Variants in LRP1B observed in about 807,000 individuals in gnomAD.
LRP1B encodes low-density lipoprotein receptor-related protein 1B.
LRP1B carries 217 observed loss-of-function variants against 556.6 expected under a neutral mutation model. The ratio of observed to expected loss-of-function variants is 0.39; its 90% confidence interval spans 0.35 to 0.44. LRP1B has a LOEUF of 0.44. LRP1B is among the 20% of genes least tolerant of loss of function. The pLI, the probability that LRP1B is intolerant of heterozygous loss-of-function variation, is 1.00. For missense variants in LRP1B, 5,053 were observed against 5,620.8 expected (o/e 0.90, Z 3.23); for synonymous variants, 2,047 against 1,865.8 (o/e 1.10, Z -2.50).
At chr2:140,830,741 G>A (rs535662412) in intron 31 of LRP1B, among the ~76,000 whole-genome samples, 3 of 152,122 alleles carry the variant, frequency 2.0e-5, no homozygotes, top group African/African-American at 4.8e-5. Context: ...AGTACTGGAC[G>A]TCCTAGCAAA....
chr2:141,619,044 A>C (rs186686214), intron 2 of LRP1B, among the ~76,000 whole-genome samples: 228 of 152,338 alleles, frequency 1.5e-3, no homozygotes, highest in African/African-American at 5.3e-3. Flanking sequence ...TGTCTTGAAC[A>C]GAGTAACTCA....
chr2:140,906,252 AG>A, intron 22 of LRP1B, among the ~76,000 whole-genome samples: 1 of 152,138 alleles, frequency 6.6e-6, no homozygotes, highest in Non-Finnish European at 1.5e-5. Flanking sequence ...GTTTGGGCAA[AG>A]CTCTTTAAGT....
At chr2:142,036,201 T>C (rs1015104507) in intron 1 of LRP1B, among the ~76,000 whole-genome samples, 2 of 151,674 alleles carry the variant, frequency 1.3e-5, no homozygotes, top group African/African-American at 4.8e-5. Flanking sequence ...GACTTCATCA[T>C]TTGTTATTTT....
intron 37 of LRP1B, among the ~76,000 whole-genome samples, chr2:140,711,007 G>C (rs922807565): frequency 6.6e-6 from 1 of 151,978 alleles, no homozygotes; most frequent in Non-Finnish European, 1.5e-5. Context: ...TCATTGAAAG[G>C]AACAAATTAA....
chr2:141,605,395 A>G (rs879934664), intron 2 of LRP1B, among the ~76,000 whole-genome samples: 2 of 151,974 alleles, frequency 1.3e-5, no homozygotes, highest in Non-Finnish European at 2.9e-5. Context: ...TTTTTTGAAA[A>G]AGGTCCTATT....
At chr2:141,109,254 T>G (rs1202644076) in intron 7 of LRP1B, among the ~76,000 whole-genome samples, 2 of 152,098 alleles carry the variant, frequency 1.3e-5, no homozygotes, top group Non-Finnish European at 2.9e-5. Flanking sequence ...AGCCTCCAAA[T>G]TTTGGGGGAG....
At chr2:140,465,414 C>T (rs1164700902) in intron 60 of LRP1B, among the ~76,000 whole-genome samples, 1 of 152,124 alleles carries the variant, frequency 6.6e-6, no homozygotes, top group African/African-American at 2.4e-5. Flanking sequence ...TAGAACAGTC[C>T]TCCTCTGTCC....
At chr2:142,119,628 C>CA (rs1338892118) in intron 1 of LRP1B, among the ~76,000 whole-genome samples, 1 of 152,140 alleles carries the variant, frequency 6.6e-6, no homozygotes, top group Non-Finnish European at 1.5e-5. Flanking sequence ...ATTCAATCAG[C>CA]TTAACAGTAA....
At chr2:140,751,303 C>T (rs1316975750) in intron 35 of LRP1B, among the ~76,000 whole-genome samples, 1 of 151,192 alleles carries the variant, frequency 6.6e-6, no homozygotes, top group African/African-American at 2.4e-5. Context: ...TCAGTTATAA[C>T]TTTTTAGGCA....
intron 35 of LRP1B, among the ~76,000 whole-genome samples, chr2:140,758,499 C>T (rs1159357521): frequency 2.6e-5 from 4 of 151,636 alleles, no homozygotes; most frequent in East Asian, 1.9e-4. Context: ...AGTATTTAAC[C>T]ATGGATTGAG....
intron 1 of LRP1B, among the ~76,000 whole-genome samples, chr2:142,037,698 G>A (rs1703932141): frequency 6.6e-6 from 1 of 151,568 alleles, no homozygotes; most frequent in Admixed American, 6.6e-5. Context: ...TAAGAAAGTT[G>A]CTTATTCTCT....
intron 2 of LRP1B, among the ~76,000 whole-genome samples, chr2:141,526,766 G>A (rs1362584419): frequency 6.6e-6 from 1 of 151,956 alleles, no homozygotes; most frequent in African/African-American, 2.4e-5. Context: ...TACACTTAAT[G>A]CTTTGCCCAA....
At chr2:141,703,033 G>A (rs1012227871) in intron 2 of LRP1B, among the ~76,000 whole-genome samples, 2 of 151,882 alleles carry the variant, frequency 1.3e-5, no homozygotes, top group African/African-American at 4.8e-5. Flanking sequence ...AGGTTAATCT[G>A]ATTATATATA....
chr2:140,818,175 T>C (rs996606841), intron 31 of LRP1B, among the ~76,000 whole-genome samples: 9 of 152,250 alleles, frequency 5.9e-5, no homozygotes, highest in African/African-American at 2.2e-4. Flanking sequence ...AGGGGAATGG[T>C]AGAGATGTAG....
chr2:141,503,142 A>G (rs115146488), intron 2 of LRP1B, among the ~76,000 whole-genome samples: 4,676 of 148,338 alleles, frequency 0.032, 264 homozygotes, highest in African/African-American at 0.11. Context: ...TATAAAAAAT[A>G]ATATATAATT....
intron 5 of LRP1B, among the ~76,000 whole-genome samples, chr2:141,232,550 C>T (rs1289647614): frequency 3.9e-5 from 6 of 152,178 alleles, no homozygotes; most frequent in Non-Finnish European, 1.5e-5. Context: ...AACTGAGATG[C>T]AAATGGGTTC....
intron 71 of LRP1B, among the ~76,000 whole-genome samples, chr2:140,367,565 T>C (rs1430259493): frequency 6.6e-6 from 1 of 151,762 alleles, no homozygotes; most frequent in Non-Finnish European, 1.5e-5. Context: ...TTAATCTCAA[T>C]TATGAAATCC....
rs557063611 is a variant in LRP1B, at chr2:141,917,346, G to A, written c.83-106945C>T. 2.0e-5 allele frequency among the ~76,000 whole-genome samples: 3 copies of A among 152,252 alleles called. No individual in the cohort carries two copies. In the South Asian group the frequency reaches 6.2e-4, roughly 32 times the overall value. ...AAATGCCCCCAAACATGGATGTGGT[G>A]TATGGTGTGTGGTGTGTAGATACTA... On this transcript the variant is annotated intron_variant, in intron 1 of 90. Transcript: ENST00000389484.
At chr2:140,897,338 C>G (rs1456035372) in intron 23 of LRP1B, among the ~76,000 whole-genome samples, 2 of 152,120 alleles carry the variant, frequency 1.3e-5, no homozygotes, top group African/African-American at 4.8e-5. Flanking sequence ...CTCATTCTCT[C>G]CTTAGGCAAG....
Sources: allele counts gnomAD v4.1 joint callset (sites outside exome capture counted in the v4.1 genomes callset), GRCh38; gene constraint gnomAD v4.1.1; transcripts MANE v1.5; gene names NCBI Gene and HGNC (gene_info 2026-07-23, HGNC 2026-07-21).